The following GRIK3 variants were observed in gnomAD, a reference collection of about 807,000 sequenced individuals.
GRIK3 encodes the protein glutamate receptor ionotropic, kainate 3.
A neutral mutation model predicts 102.5 loss-of-function variants in GRIK3; 29 were observed. The ratio of observed to expected loss-of-function variants is 0.28; its 90% CI spans 0.21 to 0.39. The LOEUF is 0.39. Among genes scored for constraint, GRIK3 ranks in the 10% least tolerant of loss-of-function variants. GRIK3 has a pLI of 1.00. For missense variants in GRIK3, 908 were observed against 1,252.4 expected, an observed-to-expected ratio of 0.73 and a Z score of 4.15; for synonymous variants, 511 against 504.9, an observed-to-expected ratio of 1.01 and a Z score of -0.16.
At chr1:36,904,317 G>A (rs548186540) in intron 1 of GRIK3, among the ~76,000 whole-genome samples, 11 of 152,178 alleles carry the variant, frequency 7.2e-5, no homozygotes, top group Non-Finnish European at 1.2e-4. Context: ...AGAAGAATTC[G>A]TACCAAAAGT....
At chr1:37,002,538 G>A (rs921765112) in intron 1 of GRIK3, among the ~76,000 whole-genome samples, 3 of 152,186 alleles carry the variant, frequency 2.0e-5, no homozygotes, top group African/African-American at 7.2e-5. Flanking sequence ...GGCTCCTTGC[G>A]TAGTTTCACT....
chr1:36,909,315 CT>C (rs1641320212), intron 1 of GRIK3, among the ~76,000 whole-genome samples: 1 of 148,446 alleles, frequency 6.7e-6, no homozygotes, highest in Admixed American at 6.7e-5. Context: ...TTTTTCCTTC[CT>C]GAGATGGAGT....
At chr1:36,845,989 T>C (rs1231132097) in intron 9 of GRIK3, among the ~76,000 whole-genome samples, 1 of 152,216 alleles carries the variant, frequency 6.6e-6, no homozygotes, top group Admixed American at 6.5e-5. Context: ...TAGCTGGTCC[T>C]ACACCCACCC....
intron 1 of GRIK3, among the ~76,000 whole-genome samples, chr1:36,976,821 G>A (rs1460143467): frequency 1.3e-5 from 2 of 152,122 alleles, no homozygotes; most frequent in African/African-American, 2.4e-5. Context: ...CCTCACTTCA[G>A]GGGTTAGGGT....
chr1:36,864,603 C>G (rs528101397), intron 5 of GRIK3, among the ~76,000 whole-genome samples: 112 of 152,296 alleles, frequency 7.4e-4, no homozygotes, highest in African/African-American at 2.6e-3. Flanking sequence ...ACCAGCCCTT[C>G]TGGTCTCCAG....
chr1:36,985,010 G>A (rs1009409003), intron 1 of GRIK3, among the ~76,000 whole-genome samples: 3 of 152,158 alleles, frequency 2.0e-5, no homozygotes, highest in Admixed American at 6.5e-5. Flanking sequence ...CAAGGGCTCC[G>A]TGAAGCCCGG....
rs1642641970 is a variant in GRIK3 at position 36,817,203 on chromosome 1, T to A, written c.1948A>T (p.Ile650Phe). The change falls in exon 13 of 16, where the codon ATC becomes TTC. Residue 650 changes from isoleucine to phenylalanine, a missense_variant. By Grantham distance (21) the Ile-to-Phe change is conservative (BLOSUM62 0). Transcript: ENST00000373091. ...GCCAGGTTGGCCGTGTAGGAAGAGA[T>A]GATGATGAGCGTGAAGAACCACCAG... ...GIWWFFTLII[I>F]SSYTANLAAF... 6.2e-7 allele frequency: 1 copy of A among 1,613,652 alleles called. No individual in the cohort carries two copies. The highest frequency in any genetic ancestry group is 1.3e-5 in the African/African-American group (1 of 74,874).
At chr1:37,023,903 G>T (rs1642740478) in intron 1 of GRIK3, among the ~76,000 whole-genome samples, 1 of 152,234 alleles carries the variant, frequency 6.6e-6, no homozygotes, top group Admixed American at 6.5e-5. Flanking sequence ...GAAACAATGA[G>T]TAAGAATAAC....
chr1:36,837,530 C>T (rs1351249293), intron 10 of GRIK3, among the ~76,000 whole-genome samples: 2 of 152,092 alleles, frequency 1.3e-5, no homozygotes, highest in East Asian at 1.9e-4. Context: ...TGGGTCCCAG[C>T]GATGGCTTCC....
rs147658895 is a variant in GRIK3 at position 36,963,336 on chromosome 1, T to G, written c.115+70658A>C. ...TAAACAAACCCCCCGCTCAGCCTCC[T>G]GAGACCAGGACACTCGAGACGCCAG... On this transcript the variant is annotated intron_variant, in intron 1 of 15. Transcript: ENST00000373091. 5.9e-3 allele frequency among the ~76,000 whole-genome samples: 905 copies of G among 152,314 alleles called. 10 individuals are homozygous for G. The highest frequency in any genetic ancestry group is 0.021 in the African/African-American group (869 of 41,574).
chr1:36,814,529 G>A (rs1429742065), intron 13 of GRIK3, among the ~76,000 whole-genome samples: 1 of 126,866 alleles, frequency 7.9e-6, no homozygotes, highest in African/African-American at 3.2e-5. Flanking sequence ...CCCACACACA[G>A]AGACACATAT....
intron 1 of GRIK3, among the ~76,000 whole-genome samples, chr1:36,971,251 T>C (rs1349309713): frequency 6.6e-6 from 1 of 152,208 alleles, no homozygotes. Context: ...GACTCCAGGA[T>C]AGCCACATGA....
At chr1:37,015,770 G>A (rs1281441252) in intron 1 of GRIK3, among the ~76,000 whole-genome samples, 2 of 152,230 alleles carry the variant, frequency 1.3e-5, no homozygotes, top group Non-Finnish European at 2.9e-5. Flanking sequence ...GTCCAGGAGG[G>A]GAATGCGAAG....
At chr1:36,885,873 C>T (rs1641031579) in intron 2 of GRIK3, among the ~76,000 whole-genome samples, 1 of 152,224 alleles carries the variant, frequency 6.6e-6, no homozygotes, top group African/African-American at 2.4e-5. Context: ...CTCAATGGTT[C>T]ACAGTCATTG....
chr1:36,823,955 C>T (rs896813103), intron 11 of GRIK3, among the ~76,000 whole-genome samples: 9 of 152,278 alleles, frequency 5.9e-5, no homozygotes, highest in African/African-American at 2.2e-4. Context: ...ATTATACCCA[C>T]CTCAAGAGAG....
rs1479339024 is a variant in GRIK3 at position 36,796,384 on chromosome 1, T to A, written c.*5467A>T. The A allele has an allele frequency of 6.6e-6, 1 of 152,188 alleles. No homozygotes were observed. Among genetic ancestry groups the A allele is most frequent in the Non-Finnish European group, 1.5e-5 (1 of 68,092 alleles). 9.4% of individuals were successfully genotyped at this position (152,188 alleles called of 1,614,324 possible). On this transcript the variant is annotated 3_prime_UTR_variant, in exon 16 of 16. Transcript: ENST00000373091. ...ATAGGAGCTACCTTCTTGCCTCTCATCTTTCACCCCTCTGGCTCTGAGGTC... is the reference window on the plus strand; with the variant it reads ...ATAGGAGCTACCTTCTTGCCTCTCAACTTTCACCCCTCTGGCTCTGAGGTC...
Position 36,872,210 on chromosome 1 carries a change from A to C in GRIK3, c.710T>G (p.Met237Arg). ...CACCTGCTTGAGGATCTGGGCCGCC[A>C]TAGTGTGGCTGCAGTCGAAGATAAT... ...FRIIFDCSHTMAAQILKQAMA... is the reference protein window; with the variant it reads ...FRIIFDCSHTRAAQILKQAMA... Residue 237 changes from methionine (M) to arginine (R), a missense_variant, in exon 4 of 16, where the codon ATG becomes AGG. Coordinates refer to ENST00000373091, the MANE Select transcript of GRIK3 (RefSeq NM_000831.4). This position sits in a 1 kb window ranked among gnomAD's most constrained non-coding sequence, Gnocchi z 5.9. 6.2e-7 allele frequency: 1 copy of C among 1,606,422 alleles called. No homozygotes were observed. The highest frequency in any genetic ancestry group is 8.5e-7 in the Non-Finnish European group (1 of 1,175,594).
rs921520055 is a variant in GRIK3, at chr1:36,872,568, T to C, written c.551-199A>G. On this transcript the variant is annotated intron_variant, in intron 3 of 15. Transcript: ENST00000373091. The surrounding 1 kb of genome is among the most constrained non-coding windows in gnomAD (Gnocchi z 5.9). ...AGGTGTGTGTGCACATACAAACACATGGCTACACGCACGTGCATGTCAATA... is the reference window on the plus strand; with the variant it reads ...AGGTGTGTGTGCACATACAAACACACGGCTACACGCACGTGCATGTCAATA... 2.0e-5 allele frequency among the ~76,000 whole-genome samples: 3 copies of C among 152,190 alleles called. No individual in the cohort carries two copies. Among genetic ancestry groups the C allele is most frequent in the African/African-American group, 7.2e-5 (3 of 41,534 alleles).
chr1:36,910,695 G>C (rs567880504), intron 1 of GRIK3, among the ~76,000 whole-genome samples: 1 of 152,222 alleles, frequency 6.6e-6, no homozygotes, highest in Non-Finnish European at 1.5e-5. Context: ...GGAGAGGAAA[G>C]GGAGACGAGG....
Sources: allele counts gnomAD v4.1 joint callset (sites outside exome capture counted in the v4.1 genomes callset), GRCh38; gene constraint gnomAD v4.1.1; non-coding constraint Gnocchi (gnomAD v3.1); transcripts MANE v1.5; gene names NCBI Gene and HGNC (gene_info 2026-07-23, HGNC 2026-07-21).